The following RASAL2 variants were observed in gnomAD, a reference collection of about 807,000 sequenced individuals.
RASAL2 encodes the protein ras GTPase-activating protein nGAP.
A neutral mutation model predicts 128.9 loss-of-function variants in RASAL2; 58 were observed. The observed-to-expected ratio is 0.45, with a 90% CI of 0.36 to 0.56. The LOEUF (loss-of-function observed/expected upper bound fraction) is 0.56. Among genes scored for constraint, RASAL2 ranks in the 20% least tolerant of loss-of-function variants. RASAL2 has a pLI of 0.00. For synonymous variants in RASAL2, 561 were observed against 580.8 expected (o/e 0.97, Z 0.49); for missense variants, 1,360 against 1,601.6 (o/e 0.85, Z 2.57).
intron 1 of RASAL2, among the ~76,000 whole-genome samples, chr1:178,161,859 T>G (rs1438570439): frequency 1.3e-5 from 2 of 152,186 alleles, no homozygotes; most frequent in Non-Finnish European, 2.9e-5. Flanking sequence ...TTCATGTGTT[T>G]GAGACACTGT....
chr1:178,228,559 G>C (rs1663875280), intron 1 of RASAL2, among the ~76,000 whole-genome samples: 1 of 152,198 alleles, frequency 6.6e-6, no homozygotes, highest in African/African-American at 2.4e-5. Context: ...CTGGGTAACA[G>C]AGCGAGACTC....
chr1:178,288,393 CAAG>C (rs1371750161), intron 2 of RASAL2, among the ~76,000 whole-genome samples: 2 of 152,032 alleles, frequency 1.3e-5, no homozygotes, highest in Non-Finnish European at 2.9e-5. Context: ...GGAAAATTCA[CAAG>C]AGAACTTCTG....
rs1002540618 is a variant in RASAL2 at position 178,272,442 on chromosome 1, AC to A, written c.203-11115del. Reference sequence around the variant, plus strand: ...ATACCTTTTAACTCTACATTAAAGGACCCCCCCTTTCCCTTTCTATTCATTT... The same window carrying A: ...ATACCTTTTAACTCTACATTAAAGGACCCCCCTTTCCCTTTCTATTCATTT... On this transcript the variant is annotated intron_variant, in intron 1 of 17. Transcript: ENST00000367649. Among the ~76,000 whole-genome samples, 3 of 150,962 alleles carry A rather than the reference AC, an allele frequency of 2.0e-5. No individual in the cohort carries two copies. The South Asian group carries it at 6.3e-4, about 32-fold the overall frequency.
chr1:178,340,426 T>G (rs1207944392), intron 3 of RASAL2, among the ~76,000 whole-genome samples: 1 of 152,272 alleles, frequency 6.6e-6, no homozygotes, highest in African/African-American at 2.4e-5. Flanking sequence ...GATTACATAG[T>G]TGACTTGCCT....
chr1:178,203,703 C>A (rs1662947978), intron 1 of RASAL2, among the ~76,000 whole-genome samples: 4 of 152,192 alleles, frequency 2.6e-5, no homozygotes, highest in Admixed American at 1.3e-4. Flanking sequence ...CTCCTCCTAC[C>A]TTTAAGTTAA....
At chr1:178,094,943 C>G (rs931034449) in intron 1 of RASAL2, among the ~76,000 whole-genome samples, 1 of 152,178 alleles carries the variant, frequency 6.6e-6, no homozygotes, top group African/African-American at 2.4e-5. Context: ...GTTGGGCTAT[C>G]CAAGACGTAA....
At chr1:178,378,280 C>A in intron 3 of RASAL2, among the ~76,000 whole-genome samples, 2 of 150,470 alleles carry the variant, frequency 1.3e-5, no homozygotes, top group South Asian at 2.1e-4. Context: ...AAAGGAGGTC[C>A]CTAAATAATG....
chr1:178,357,468 A>G (rs1361684720), intron 3 of RASAL2, among the ~76,000 whole-genome samples: 2 of 151,850 alleles, frequency 1.3e-5, no homozygotes, highest in African/African-American at 2.4e-5. Context: ...TATCAATGTC[A>G]CAGTATTTTA....
chr1:178,317,275 C>T (rs1470661940), intron 3 of RASAL2, among the ~76,000 whole-genome samples: 8 of 142,564 alleles, frequency 5.6e-5, no homozygotes, highest in East Asian at 4.0e-4. Context: ...TGTCTCTGCC[C>T]GGCTTTGGTA....
chr1:178,248,629 T>A (rs1333957554), intron 1 of RASAL2, among the ~76,000 whole-genome samples: 1 of 152,238 alleles, frequency 6.6e-6, no homozygotes, highest in African/African-American at 2.4e-5. Flanking sequence ...TGATGCAGTT[T>A]CTTTATAGTG....
intron 1 of RASAL2, among the ~76,000 whole-genome samples, chr1:178,193,040 A>G (rs1343643822): frequency 6.6e-6 from 1 of 152,196 alleles, no homozygotes; most frequent in Non-Finnish European, 1.5e-5. Flanking sequence ...GGCTCTTAGT[A>G]GGGTCAAATT....
At chr1:178,461,465 C>A (rs1389166419) in intron 14 of RASAL2, among the ~76,000 whole-genome samples, 3 of 151,862 alleles carry the variant, frequency 2.0e-5, no homozygotes, top group African/African-American at 4.8e-5. Context: ...TTTCAAGAAA[C>A]TCTCTTAATT....
chr1:178,302,190 T>C (rs1364134405), intron 3 of RASAL2, among the ~76,000 whole-genome samples: 1 of 152,210 alleles, frequency 6.6e-6, no homozygotes, highest in African/African-American at 2.4e-5. Flanking sequence ...GTCAGGTATT[T>C]CATTGAATAA....
intron 1 of RASAL2, among the ~76,000 whole-genome samples, chr1:178,160,872 C>T (rs1239993123): frequency 6.6e-6 from 1 of 152,102 alleles, no homozygotes; most frequent in African/African-American, 2.4e-5. Flanking sequence ...CTGGGTGGGA[C>T]TTGTATTAAG....
At chr1:178,420,660 A>T in intron 5 of RASAL2, 40 bp downstream of exon 5, 1 of 1,451,160 alleles carries the variant, frequency 6.9e-7, no homozygotes. Flanking sequence ...AAGCAGTTTG[A>T]GAGTGAATTT....
At chr1:178,287,999 A>T (rs995664503) in intron 2 of RASAL2, among the ~76,000 whole-genome samples, 3 of 152,206 alleles carry the variant, frequency 2.0e-5, no homozygotes, top group African/African-American at 4.8e-5. Context: ...TTAAAAATTT[A>T]AAAAATATAT....
chr1:178,404,499 G>C (rs1330469369), intron 4 of RASAL2, among the ~76,000 whole-genome samples: 2 of 151,564 alleles, frequency 1.3e-5, no homozygotes, highest in African/African-American at 4.9e-5. Flanking sequence ...TCCTGCCTCA[G>C]CCTCTGGAGT....
In RASAL2 at chr1:178,420,527, G is replaced by T; in HGVS notation, c.581G>T (p.Arg194Leu). The change falls in exon 5 of 18, where the codon CGC becomes CTC. Residue 194 changes from arginine to leucine, a missense_variant. By Grantham distance (102) the Arg-to-Leu change is moderately radical. Coordinates refer to ENST00000367649, the MANE Select transcript of RASAL2 (RefSeq NM_170692.4). The part of the protein sequence containing the change: ...PFKVPGFFSK[R>L]LKGSIKRTKS... Reference sequence around the variant, plus strand: ...TCCTTCTAGGGATTCTTCAGCAAGCGCCTGAAAGGCTCCATCAAGAGGACC... The same window carrying T: ...TCCTTCTAGGGATTCTTCAGCAAGCTCCTGAAAGGCTCCATCAAGAGGACC... The T allele has an allele frequency of 6.2e-7, 1 of 1,610,408 alleles. No individual in the cohort carries two copies.
chr1:178,141,756 G>C (rs529099677), intron 1 of RASAL2, among the ~76,000 whole-genome samples: 6 of 152,196 alleles, frequency 3.9e-5, no homozygotes, highest in African/African-American at 1.4e-4. Flanking sequence ...CTGCATCTGG[G>C]GCTCCATTTG....
Sources: allele counts gnomAD v4.1 joint callset (sites outside exome capture counted in the v4.1 genomes callset), GRCh38; gene constraint gnomAD v4.1.1; transcripts MANE v1.5; gene names NCBI Gene and HGNC (gene_info 2026-07-23, HGNC 2026-07-21).